Variants in SLC5A4 observed in about 807,000 individuals in gnomAD.
The protein encoded by SLC5A4 is probable glucose sensor protein SLC5A4.
In SLC5A4, 55 loss-of-function variants were observed where a neutral mutation model predicts 70.3. That is an observed-to-expected ratio of 0.78 (90% confidence interval 0.63 to 0.98). SLC5A4 has a LOEUF of 0.98. Among genes scored for constraint, SLC5A4 ranks in the 50% least tolerant of loss-of-function variants. The pLI is 0.00. For synonymous variants in SLC5A4, 268 were observed against 305.7 expected, an observed-to-expected ratio of 0.88 and a Z score of 1.29; for missense variants, 735 against 839.2, an observed-to-expected ratio of 0.88 and a Z score of 1.53.
the SLC5A4 span, among the ~76,000 whole-genome samples, chr22:32,328,523 C>T: frequency 6.6e-6 from 1 of 152,144 alleles, no homozygotes; most frequent in East Asian, 1.9e-4. Context: ...GAGGCCCACC[C>T]AGTGAGCAAC....
chr22:32,294,703 G>A, the SLC5A4 span, among the ~76,000 whole-genome samples: 1 of 147,414 alleles, frequency 6.8e-6, no homozygotes, highest in Admixed American at 6.8e-5. Context: ...TAGGGTACAT[G>A]TGCACATTGT....
At chr22:32,233,313 C>T (rs987802875) in intron 8 of SLC5A4, among the ~76,000 whole-genome samples, 5 of 152,154 alleles carry the variant, frequency 3.3e-5, no homozygotes, top group Non-Finnish European at 5.9e-5. Flanking sequence ...CTGTCATTTG[C>T]AGCAACATGG....
chr22:32,249,643 G>A (rs950061788), intron 3 of SLC5A4, among the ~76,000 whole-genome samples: 1 of 152,222 alleles, frequency 6.6e-6, no homozygotes, highest in Admixed American at 6.5e-5. Flanking sequence ...GGAATGGTCT[G>A]TTTAAACTTT....
At chr22:32,311,898 G>A in the SLC5A4 span, among the ~76,000 whole-genome samples, 1 of 152,178 alleles carries the variant, frequency 6.6e-6, no homozygotes. Context: ...CCAGGGAGTT[G>A]GAGCCTGGAC....
chr22:32,224,177 C>A (rs1011120822), intron 13 of SLC5A4, 90 bp downstream of exon 13: 32 of 994,774 alleles, frequency 3.2e-5, no homozygotes, highest in Admixed American at 2.2e-4. Context: ...GCCTTGGCCT[C>A]CCAAAGTGCT....
chr22:32,226,566 T>A (rs1404709751), intron 11 of SLC5A4, among the ~76,000 whole-genome samples: 2 of 152,230 alleles, frequency 1.3e-5, no homozygotes, highest in East Asian at 1.9e-4. Flanking sequence ...CTCATTTAAA[T>A]GTTACAAAAT....
At chr22:32,341,075 C>T in the SLC5A4 span, among the ~76,000 whole-genome samples, 1 of 152,068 alleles carries the variant, frequency 6.6e-6, no homozygotes, top group Non-Finnish European at 1.5e-5. Context: ...TAGGAGGCAG[C>T]GGGGACGTGG....
chr22:32,278,924 CA>C, the SLC5A4 span, among the ~76,000 whole-genome samples: 1 of 152,328 alleles, frequency 6.6e-6, no homozygotes, highest in South Asian at 2.1e-4. Flanking sequence ...ATTTAGAAAA[CA>C]TTTTTCATTT....
intron 5 of SLC5A4, among the ~76,000 whole-genome samples, chr22:32,245,001 C>A (rs1389588359): frequency 6.6e-6 from 1 of 152,118 alleles, no homozygotes; most frequent in African/African-American, 2.4e-5. Context: ...CTATAAAGGA[C>A]TGTATTAAAA....
the SLC5A4 span, among the ~76,000 whole-genome samples, chr22:32,328,089 AAC>A: frequency 2.6e-5 from 2 of 78,196 alleles, no homozygotes; most frequent in African/African-American, 6.3e-5. Context: ...CAGAGCCCCC[AAC>A]ACACAAACAC....
At chr22:32,351,733 G>GGA in the SLC5A4 span, among the ~76,000 whole-genome samples, 1 of 40,676 alleles carries the variant, frequency 2.5e-5, no homozygotes, top group African/African-American at 2.4e-4. Flanking sequence ...GAGGGTGGGG[G>GGA]CGGTGGGGGG....
At chr22:32,336,016 GGGGTGAAATAGT>G in the SLC5A4 span, among the ~76,000 whole-genome samples, 5 of 152,132 alleles carry the variant, frequency 3.3e-5, no homozygotes, top group African/African-American at 7.2e-5. Flanking sequence ...GTTAAGACCA[GGGGTGAAATAGT>G]GGGTGAAATA....
At chr22:32,230,851 A>G in intron 10 of SLC5A4, 117 bp downstream of exon 10, 1 of 668,256 alleles carries the variant, frequency 1.5e-6, no homozygotes, top group Admixed American at 2.4e-5. Context: ...GGTGCTCAAG[A>G]AATGTCTGAT....
chr22:32,327,057 A>G, the SLC5A4 span: 17 of 152,326 alleles, frequency 1.1e-4, no homozygotes, highest in Admixed American at 1.1e-3. Context: ...ACAAGACTAA[A>G]TCTATGTTGT....
intron 14 of SLC5A4, among the ~76,000 whole-genome samples, chr22:32,220,295 A>G (rs946029655): frequency 1.4e-4 from 21 of 152,192 alleles, no homozygotes; most frequent in Admixed American, 1.3e-3. Flanking sequence ...CTGACTCTTC[A>G]CTTTGAAGAA....
the SLC5A4 span, among the ~76,000 whole-genome samples, chr22:32,264,199 TA>T: frequency 2.7e-5 from 4 of 148,010 alleles, no homozygotes; most frequent in African/African-American, 2.5e-5. Flanking sequence ...AAAAAAAAAT[TA>T]AAAAAAAAAG....
the SLC5A4 span, among the ~76,000 whole-genome samples, chr22:32,345,920 A>G: frequency 2.6e-5 from 4 of 152,220 alleles, no homozygotes; most frequent in African/African-American, 7.2e-5. Flanking sequence ...CATCTGTGAA[A>G]ATATTCAACA....
the SLC5A4 span, among the ~76,000 whole-genome samples, chr22:32,265,171 G>A: frequency 6.6e-6 from 1 of 152,322 alleles, no homozygotes; most frequent in East Asian, 1.9e-4. Context: ...AGGCCAAGGT[G>A]GGAAGATTGC....
the SLC5A4 span, among the ~76,000 whole-genome samples, chr22:32,315,106 A>G: frequency 6.6e-6 from 1 of 152,246 alleles, no homozygotes; most frequent in African/African-American, 2.4e-5. Context: ...GCATTCTACC[A>G]CAATTCATAA....
Sources: gnomAD v4.1 joint callset for allele counts (sites outside exome capture counted in the v4.1 genomes callset) on GRCh38, gnomAD v4.1.1 for gene constraint, MANE v1.5 for transcripts, NCBI Gene and HGNC (gene_info 2026-07-23, HGNC 2026-07-21) for gene names.